The following FANCC variants were observed in gnomAD, a reference collection of about 807,000 sequenced individuals.
FANCC encodes Fanconi anemia group C protein.
Under a neutral mutation model 71.3 loss-of-function variants are expected in FANCC, and 55 were observed. That is an observed-to-expected ratio of 0.77 (90% CI 0.62 to 0.97). The LOEUF (loss-of-function observed/expected upper bound fraction) is 0.97. FANCC is among the 50% of genes least tolerant of loss of function. The probability of loss-of-function intolerance (pLI) is 0.00; values close to 1 mark genes in which losing one functional copy is unlikely to be tolerated. For missense variants in FANCC, 678 were observed against 670.9 expected (o/e 1.01, Z -0.12); for synonymous variants, 275 against 244.9 (o/e 1.12, Z -1.15).
intron 6 of FANCC, among the ~76,000 whole-genome samples, chr9:95,153,078 T>A (rs1443252580): frequency 6.6e-6 from 1 of 152,230 alleles, no homozygotes; most frequent in African/African-American, 2.4e-5. Flanking sequence ...TACTCATAGC[T>A]TAGCTCCCAC....
At chr9:95,111,772 C>T in intron 12 of FANCC, 135 bp from the exon 13 acceptor site, 1 of 1,011,386 alleles carries the variant, frequency 9.9e-7, no homozygotes, top group Non-Finnish European at 1.5e-6. Flanking sequence ...GCAAGGAATA[C>T]AATTTAGATT....
intron 11 of FANCC, 147 bp from the exon 12 acceptor site, chr9:95,114,857 A>T: frequency 1.4e-6 from 1 of 722,166 alleles, no homozygotes; most frequent in East Asian, 2.6e-5. Context: ...TGCTTTTCCC[A>T]GCCAGTACCT....
intron 9 of FANCC, 141 bp from the exon 10 acceptor site, chr9:95,125,326 C>A (rs1243661260): frequency 1.4e-6 from 1 of 719,232 alleles, no homozygotes; most frequent in Admixed American, 2.1e-5. Context: ...AGATTTCAGT[C>A]CTTGTGTGAA....
rs138107220 is a variant in FANCC at position 95,216,474 on chromosome 9, G to A, written c.345+24175C>T. 1.7e-3 allele frequency among the ~76,000 whole-genome samples: 256 copies of A among 152,236 alleles called. 1 individual carries two copies. The highest frequency in any genetic ancestry group is 5.9e-3 in the African/African-American group (245 of 41,532). ...TAGGGACCTGAACAACACTATTATT[G>A]GTAGACAATTCTCCATGGGTCTGCT... is the stretch of plus-strand genomic sequence containing the variant. On this transcript the variant is annotated intron_variant, in intron 4 of 14. Coordinates refer to ENST00000289081, the MANE Select transcript of FANCC (RefSeq NM_000136.3).
chr9:95,126,641 CTAT>C (rs1403499620), intron 8 of FANCC, 60 bp from the exon 9 acceptor site: 2 of 1,553,018 alleles, frequency 1.3e-6, no homozygotes, highest in East Asian at 4.5e-5. Flanking sequence ...CAGAAACTTG[CTAT>C]TATCAGCCAA....
chr9:95,292,585 T>C, intron 1 of FANCC: 2 of 1,461,474 alleles, frequency 1.4e-6, no homozygotes, highest in Non-Finnish European at 1.9e-6. Flanking sequence ...TGGCCCAACA[T>C]CCTGTGCACC....
At chr9:95,122,704 AAG>A (rs1360977360) in intron 10 of FANCC, among the ~76,000 whole-genome samples, 1 of 152,128 alleles carries the variant, frequency 6.6e-6, no homozygotes, top group African/African-American at 2.4e-5. Context: ...TAAGAAGAAA[AAG>A]AGGCGCGAGC....
intron 7 of FANCC, 80 bp downstream of exon 7, chr9:95,149,843 C>G: frequency 2.0e-6 from 3 of 1,466,540 alleles, no homozygotes; most frequent in Non-Finnish European, 2.8e-6. Flanking sequence ...ACACTGCTGT[C>G]GTACAGTCTT....
At chr9:95,307,546 A>T (rs1208003640) in intron 1 of FANCC, among the ~76,000 whole-genome samples, 1 of 152,182 alleles carries the variant, frequency 6.6e-6, no homozygotes, top group Non-Finnish European at 1.5e-5. Context: ...TGATCTGTCC[A>T]TTTTTTTCTA....
chr9:95,180,207 T>C (rs1406009071), intron 4 of FANCC, among the ~76,000 whole-genome samples: 9 of 152,192 alleles, frequency 5.9e-5, no homozygotes, highest in Non-Finnish European at 1.3e-4. Context: ...CCTCCACATC[T>C]TGTCCCACTG....
intron 4 of FANCC, among the ~76,000 whole-genome samples, chr9:95,201,190 C>T (rs895156168): frequency 2.0e-5 from 3 of 151,924 alleles, no homozygotes; most frequent in South Asian, 4.2e-4. Context: ...TTGAAGTACA[C>T]GTTAATGCCA....
intron 1 of FANCC, among the ~76,000 whole-genome samples, chr9:95,266,637 T>C (rs1440504070): frequency 6.6e-6 from 1 of 152,106 alleles, no homozygotes; most frequent in African/African-American, 2.4e-5. Flanking sequence ...TTTAGGTGTG[T>C]GGAATTATGA....
Position 95,135,386 on chromosome 9 carries a change from C to T in FANCC, c.803G>A (p.Cys268Tyr), listed in dbSNP as rs2135165898. 6.2e-7 allele frequency: 1 copy of T among 1,614,098 alleles called. No homozygotes were observed. The highest frequency in any genetic ancestry group is 1.3e-5 in the African/African-American group (1 of 75,024). ...FEKLISSERN[C>Y]LRRIECFIKD... ...TATAAAGCATTCGATCCTTCTCAGA[C>T]AATTTCTCTCACTGGAGATTAGCTT... Residue 268 changes from cysteine to tyrosine, a missense_variant, in exon 8 of 15, where the codon TGT (cysteine) becomes TAT (tyrosine). By Grantham distance (194) the Cys-to-Tyr change is radical (BLOSUM62 -2). Coordinates refer to ENST00000289081, the MANE Select transcript of FANCC (RefSeq NM_000136.3).
chr9:95,209,677 C>T (rs139045692), intron 4 of FANCC, among the ~76,000 whole-genome samples: 1 of 152,322 alleles, frequency 6.6e-6, no homozygotes, highest in East Asian at 1.9e-4. Context: ...CCTTGATGTT[C>T]TTTCTCATCC....
rs80032157 is a variant in FANCC at position 95,140,632 on chromosome 9, T to C, written c.687-5130A>G. Among the ~76,000 whole-genome samples, 504 of 152,144 alleles carry C rather than the reference T, an allele frequency of 3.3e-3. 9 individuals carry two copies. In the East Asian group the frequency reaches 0.043, roughly 13 times the overall value. On this transcript the variant is annotated intron_variant, in intron 7 of 14. Coordinates refer to ENST00000289081, the MANE Select transcript of FANCC (RefSeq NM_000136.3). ...TTCCTCAGCCAAGACAAAGGTGCAC[T>C]GGCAACAGTCCACCTTTTCAAACCA...
chr9:95,165,458 C>CT (rs1564713744), intron 6 of FANCC, among the ~76,000 whole-genome samples: 1 of 151,880 alleles, frequency 6.6e-6, no homozygotes, highest in Non-Finnish European at 1.5e-5. Context: ...ACTGCTTTTG[C>CT]TGCATCCCAT....
At chr9:95,111,018 C>A in intron 13 of FANCC, 1 of 1,438,480 alleles carries the variant, frequency 7.0e-7, no homozygotes. Context: ...TTGACTGATC[C>A]AAGAAAGGAG....
intron 1 of FANCC, among the ~76,000 whole-genome samples, chr9:95,289,926 TG>T (rs1240094955): frequency 1.3e-5 from 2 of 152,236 alleles, no homozygotes; most frequent in Non-Finnish European, 2.9e-5. Flanking sequence ...CCCAAAGTGC[TG>T]GGATTACAGA....
intron 8 of FANCC, chr9:95,127,017 G>C: frequency 4.4e-6 from 1 of 225,382 alleles, no homozygotes; most frequent in South Asian, 7.4e-5. Context: ...ATTCGGTAAT[G>C]GGTACATAAC....
Sources: allele counts gnomAD v4.1 joint callset (sites outside exome capture counted in the v4.1 genomes callset), GRCh38; gene constraint gnomAD v4.1.1; transcripts MANE v1.5; gene names NCBI Gene and HGNC (gene_info 2026-07-23, HGNC 2026-07-21).